The following PCDH15 variants were observed in gnomAD, a reference collection of about 807,000 sequenced individuals.
PCDH15 encodes the protein protocadherin-15.
In PCDH15, 129 loss-of-function variants were observed where a neutral mutation model predicts 178.5. The observed-to-expected ratio is 0.72, with a 90% confidence interval of 0.63 to 0.84. The LOEUF (loss-of-function observed/expected upper bound fraction) is 0.84. Ranked by LOEUF, PCDH15 falls within the 40% of genes least tolerant of loss-of-function variation. The pLI is 0.00. For missense variants in PCDH15, 2,230 were observed against 2,099.9 expected, an observed-to-expected ratio of 1.06 and a Z score of -1.21; for synonymous variants, 800 against 732.0, an observed-to-expected ratio of 1.09 and a Z score of -1.50.
intron 2 of PCDH15, among the ~76,000 whole-genome samples, chr10:55,126,079 C>A (rs1837892293): frequency 6.6e-6 from 1 of 152,024 alleles, no homozygotes; most frequent in South Asian, 2.1e-4. Flanking sequence ...GTCATCATTT[C>A]CCCCATATGG....
chr10:53,926,432 A>G (rs537199417), intron 25 of PCDH15, among the ~76,000 whole-genome samples: 1 of 152,346 alleles, frequency 6.6e-6, no homozygotes, highest in African/African-American at 2.4e-5. Context: ...AGAGATCACA[A>G]AAATATGTAT....
intron 2 of PCDH15, among the ~76,000 whole-genome samples, chr10:55,328,868 T>A (rs1844107626): frequency 6.8e-6 from 1 of 146,054 alleles, no homozygotes; most frequent in African/African-American, 2.5e-5. Flanking sequence ...AATTTTGGTA[T>A]CAACCCCACA....
At chr10:54,882,930 A>G (rs1284712142) in intron 3 of PCDH15, among the ~76,000 whole-genome samples, 3 of 152,022 alleles carry the variant, frequency 2.0e-5, no homozygotes, top group African/African-American at 7.2e-5. Context: ...GGTTGAGAGC[A>G]TTGCTGTCCA....
intron 2 of PCDH15, among the ~76,000 whole-genome samples, chr10:54,922,400 C>T (rs747888599): frequency 6.6e-6 from 1 of 152,070 alleles, no homozygotes; most frequent in Non-Finnish European, 1.5e-5. Flanking sequence ...GCTATAGGCC[C>T]TATGCAATTC....
At chr10:55,582,614 A>ATTTT (rs1433568928) in intron 2 of PCDH15, among the ~76,000 whole-genome samples, 7 of 88,674 alleles carry the variant, frequency 7.9e-5, no homozygotes, top group African/African-American at 1.2e-4. Flanking sequence ...ATATATATAT[A>ATTTT]TATATATATA....
intron 2 of PCDH15, among the ~76,000 whole-genome samples, chr10:55,510,167 T>A (rs1840847737): frequency 6.6e-6 from 1 of 152,038 alleles, no homozygotes; most frequent in African/African-American, 2.4e-5. Context: ...GTTGGTTTTC[T>A]CTTATAGTAA....
chr10:55,108,741 A>G (rs1837421657), intron 2 of PCDH15, among the ~76,000 whole-genome samples: 1 of 152,050 alleles, frequency 6.6e-6, no homozygotes, highest in Non-Finnish European at 1.5e-5. Flanking sequence ...AGGTAGGGAG[A>G]AATCATGGCT....
chr10:53,809,211 C>A (rs531574437), intron 37 of PCDH15: 1 of 1,613,932 alleles, frequency 6.2e-7, no homozygotes, highest in Non-Finnish European at 8.5e-7. Context: ...TGAACTCAGA[C>A]TCTTCTTCAC....
chr10:54,205,825 TATAA>T (rs1184825517), intron 10 of PCDH15, among the ~76,000 whole-genome samples: 4 of 151,998 alleles, frequency 2.6e-5, no homozygotes, highest in Non-Finnish European at 5.9e-5. Context: ...CTCAAAAACT[TATAA>T]ATAAATTCAA....
At chr10:53,877,609 C>A (rs1267913322) in intron 26 of PCDH15, among the ~76,000 whole-genome samples, 2 of 152,176 alleles carry the variant, frequency 1.3e-5, no homozygotes, top group African/African-American at 2.4e-5. Context: ...CAGTCCAAAC[C>A]AAATTCAGCT....
chr10:55,433,379 T>C (rs1221345129), intron 2 of PCDH15, among the ~76,000 whole-genome samples: 3 of 152,034 alleles, frequency 2.0e-5, no homozygotes, highest in Non-Finnish European at 4.4e-5. Flanking sequence ...TGAATACACA[T>C]GGACACAAAG....
chr10:54,713,062 T>C (rs1186741410), intron 1 of PCDH15, among the ~76,000 whole-genome samples: 1 of 152,080 alleles, frequency 6.6e-6, no homozygotes, highest in Non-Finnish European at 1.5e-5. Flanking sequence ...CATAAATCAC[T>C]AGCTGCAAAA....
intron 2 of PCDH15, among the ~76,000 whole-genome samples, chr10:54,574,160 T>A (rs4603209): frequency 0.93 from 139,187 of 148,880 alleles, 65,339 homozygotes; most frequent in Middle Eastern, 0.98. Flanking sequence ...TGGTTTTAGG[T>A]CTAACGTTTA....
chr10:54,873,979 A>C (rs28706308), intron 3 of PCDH15, among the ~76,000 whole-genome samples: 108,442 of 145,786 alleles, frequency 0.74, 40,652 homozygotes, highest in East Asian at 0.89. Context: ...TTTATTTATT[A>C]TTATTATTAT....
chr10:54,013,471 C>T (rs1174383035), intron 20 of PCDH15, among the ~76,000 whole-genome samples: 1 of 152,190 alleles, frequency 6.6e-6, no homozygotes, highest in African/African-American at 2.4e-5. Context: ...CTCATCACCA[C>T]ATGGCACATA....
intron 24 of PCDH15, among the ~76,000 whole-genome samples, chr10:53,939,731 T>G (rs373849300): frequency 1.7e-4 from 26 of 152,234 alleles, no homozygotes; most frequent in African/African-American, 6.0e-4. Context: ...TAATACATAA[T>G]AGATGCTCAG....
At chr10:54,081,835 G>A (rs1224483295) in intron 16 of PCDH15, among the ~76,000 whole-genome samples, 1 of 151,782 alleles carries the variant, frequency 6.6e-6, no homozygotes, top group African/African-American at 2.4e-5. Context: ...TGATGTCAGT[G>A]GAAATGGAGA....
At chr10:55,173,165 A>C (rs1839385539) in intron 1 of PCDH15, among the ~76,000 whole-genome samples, 1 of 151,468 alleles carries the variant, frequency 6.6e-6, no homozygotes, top group Admixed American at 6.6e-5. Flanking sequence ...ATTCCTTGCC[A>C]CTTTTTTTTT....
intron 1 of PCDH15, among the ~76,000 whole-genome samples, chr10:54,756,208 C>A (rs1947090230): frequency 6.6e-6 from 1 of 151,846 alleles, no homozygotes; most frequent in Non-Finnish European, 1.5e-5. Flanking sequence ...CGAGATCACG[C>A]CATTGCACTC....
Sources: allele counts gnomAD v4.1 joint callset (sites outside exome capture counted in the v4.1 genomes callset), GRCh38; gene constraint gnomAD v4.1.1; transcripts MANE v1.5; gene names NCBI Gene and HGNC (gene_info 2026-07-23, HGNC 2026-07-21).